The following KCNQ3 variants were observed in gnomAD, a reference collection of about 807,000 sequenced individuals.
KCNQ3 encodes the protein potassium voltage-gated channel subfamily KQT member 3.
In KCNQ3, 30 loss-of-function variants were observed where a neutral mutation model predicts 92.5. The ratio of observed to expected loss-of-function variants is 0.32; its 90% confidence interval spans 0.24 to 0.44. KCNQ3 has a LOEUF of 0.44. Among genes scored for constraint, KCNQ3 ranks in the 20% least tolerant of loss-of-function variants. The pLI is 1.00. For synonymous variants in KCNQ3, 450 were observed against 468.8 expected, an observed-to-expected ratio of 0.96 and a Z score of 0.52; for missense variants, 913 against 1,140.3, an observed-to-expected ratio of 0.80 and a Z score of 2.87.
chr8:132,255,591 T>C (rs1185990352), intron 1 of KCNQ3, among the ~76,000 whole-genome samples: 1 of 152,192 alleles, frequency 6.6e-6, no homozygotes, highest in African/African-American at 2.4e-5. Flanking sequence ...TCTCACCTTT[T>C]GATGATTTTA....
At chr8:132,174,745 G>A (rs1002582147) in intron 5 of KCNQ3, among the ~76,000 whole-genome samples, 6 of 152,156 alleles carry the variant, frequency 3.9e-5, no homozygotes, top group Admixed American at 6.5e-5. Flanking sequence ...CTGTTCTGGT[G>A]TGTTTAGTAT....
intron 1 of KCNQ3, among the ~76,000 whole-genome samples, chr8:132,439,947 G>T (rs1563912777): frequency 6.6e-6 from 1 of 152,096 alleles, no homozygotes; most frequent in Non-Finnish European, 1.5e-5. Flanking sequence ...TTGGTTCTGG[G>T]ACCTCCTGAG....
At chr8:132,415,605 C>G (rs1820775486) in intron 1 of KCNQ3, among the ~76,000 whole-genome samples, 1 of 152,212 alleles carries the variant, frequency 6.6e-6, no homozygotes, top group Non-Finnish European at 1.5e-5. Context: ...GATTCCATTT[C>G]TGTCTGTTCT....
At chr8:132,447,375 G>C (rs1821710836) in intron 1 of KCNQ3, 1 of 812,238 alleles carries the variant, frequency 1.2e-6, no homozygotes, top group African/African-American at 1.7e-5. Flanking sequence ...CTAGGACACA[G>C]ATGTGGAGAA....
At chr8:132,286,993 C>T (rs141235021) in intron 1 of KCNQ3, among the ~76,000 whole-genome samples, 44 of 152,214 alleles carry the variant, frequency 2.9e-4, no homozygotes, top group African/African-American at 1.0e-3. Context: ...ATATAGCAGC[C>T]CAGTCTTGAA....
At chr8:132,230,772 G>T (rs1814621001) in intron 1 of KCNQ3, among the ~76,000 whole-genome samples, 1 of 152,132 alleles carries the variant, frequency 6.6e-6, no homozygotes, top group African/African-American at 2.4e-5. Flanking sequence ...CAGAACATTA[G>T]GTTGTCTCCC....
At chr8:132,332,395 T>C (rs917749777) in intron 1 of KCNQ3, among the ~76,000 whole-genome samples, 13 of 152,326 alleles carry the variant, frequency 8.5e-5, no homozygotes, top group African/African-American at 3.1e-4. Context: ...GGCATTATTC[T>C]CCTGCAGAAG....
At chr8:132,363,052 T>C (rs1187063030) in intron 1 of KCNQ3, among the ~76,000 whole-genome samples, 1 of 152,032 alleles carries the variant, frequency 6.6e-6, no homozygotes, top group Non-Finnish European at 1.5e-5. Context: ...ACTCAATGGG[T>C]ACTGCCAACA....
Position 132,360,350 on chromosome 8 carries a change from C to T in KCNQ3, c.386+119797G>A, listed in dbSNP as rs137953174. On this transcript the variant is annotated intron_variant, in intron 1 of 14. Transcript: ENST00000388996. Reference sequence around the variant, plus strand: ...CTCATCCCTCTTTATTTTGCTTCCTCGCACTTATCTGCACTTGACCTAAGA... The same window carrying T: ...CTCATCCCTCTTTATTTTGCTTCCTTGCACTTATCTGCACTTGACCTAAGA... 4.1e-4 allele frequency among the ~76,000 whole-genome samples: 62 copies of T among 152,306 alleles called. No homozygotes were observed. In the East Asian group the frequency reaches 7.9e-3, roughly 19 times the overall value.
intron 1 of KCNQ3, among the ~76,000 whole-genome samples, chr8:132,197,530 C>T (rs546170109): frequency 3.7e-4 from 57 of 152,310 alleles, no homozygotes; most frequent in African/African-American, 1.3e-3. Flanking sequence ...CCACATGATC[C>T]TCTGGCCACA....
At chr8:132,358,408 A>G (rs1819073520) in intron 1 of KCNQ3, among the ~76,000 whole-genome samples, 1 of 152,210 alleles carries the variant, frequency 6.6e-6, no homozygotes, top group Non-Finnish European at 1.5e-5. Context: ...GTTTAAGTCA[A>G]CAATGCCCAG....
intron 1 of KCNQ3, among the ~76,000 whole-genome samples, chr8:132,354,398 G>A (rs2130710307): frequency 6.6e-6 from 1 of 152,320 alleles, no homozygotes; most frequent in Non-Finnish European, 1.5e-5. Flanking sequence ...TATCCCTGCA[G>A]ATCACCTGTA....
At chr8:132,251,037 C>A (rs2130440171) in intron 1 of KCNQ3, among the ~76,000 whole-genome samples, 1 of 152,188 alleles carries the variant, frequency 6.6e-6, no homozygotes, top group East Asian at 1.9e-4. Flanking sequence ...GGTGGGCAGG[C>A]AGATGGATCA....
At chr8:132,284,351 A>AAC (rs1166477548) in intron 1 of KCNQ3, among the ~76,000 whole-genome samples, 1 of 152,212 alleles carries the variant, frequency 6.6e-6, no homozygotes, top group Non-Finnish European at 1.5e-5. Flanking sequence ...AACTCAAGAA[A>AAC]ACACCAGATT....
At chr8:132,279,709 T>C (rs1027855935) in intron 1 of KCNQ3, among the ~76,000 whole-genome samples, 1 of 152,242 alleles carries the variant, frequency 6.6e-6, no homozygotes, top group Non-Finnish European at 1.5e-5. Context: ...TATGTCTACA[T>C]ATATGCACAC....
chr8:132,292,866 G>T (rs1337566933), intron 1 of KCNQ3, among the ~76,000 whole-genome samples: 1 of 152,200 alleles, frequency 6.6e-6, no homozygotes, highest in African/African-American at 2.4e-5. Flanking sequence ...AATCCAGAGA[G>T]ATTCCTGCCC....
At chr8:132,249,680 C>T (rs1044101031) in intron 1 of KCNQ3, among the ~76,000 whole-genome samples, 2 of 152,300 alleles carry the variant, frequency 1.3e-5, no homozygotes, top group East Asian at 1.9e-4. Context: ...GTTGGGCAGT[C>T]GACGGGACTG....
intron 1 of KCNQ3, among the ~76,000 whole-genome samples, chr8:132,404,407 T>C (rs549200272): frequency 8.5e-5 from 13 of 152,288 alleles, no homozygotes; most frequent in Admixed American, 8.5e-4. Context: ...ATAGAGGTGA[T>C]TAAAGTCCCT....
At chr8:132,365,325 C>T (rs190050723) in intron 1 of KCNQ3, among the ~76,000 whole-genome samples, 39 of 152,336 alleles carry the variant, frequency 2.6e-4, no homozygotes, top group African/African-American at 5.8e-4. Flanking sequence ...GCGTGTTAGA[C>T]GCCTTATGTG....
Sources: allele counts gnomAD v4.1 joint callset (sites outside exome capture counted in the v4.1 genomes callset), GRCh38; gene constraint gnomAD v4.1.1; transcripts MANE v1.5; gene names NCBI Gene and HGNC (gene_info 2026-07-23, HGNC 2026-07-21).